Variants in NFIB observed in about 807,000 individuals in gnomAD.
NFIB encodes nuclear factor 1 B-type.
Under a neutral mutation model 61.5 loss-of-function variants are expected in NFIB, and 11 were observed. The observed-to-expected ratio is 0.18, with a 90% CI of 0.11 to 0.30. The LOEUF (loss-of-function observed/expected upper bound fraction) is 0.30, where lower values mean the gene tolerates loss of function less well. NFIB is among the 10% of genes least tolerant of loss of function. The pLI, the probability that NFIB is intolerant of heterozygous loss-of-function variation, is 1.00. For synonymous variants in NFIB, 260 were observed against 216.5 expected, an observed-to-expected ratio of 1.20 and a Z score of -1.76; for missense variants, 471 against 608.9, an observed-to-expected ratio of 0.77 and a Z score of 2.38.
At position 14,086,763 on chromosome 9, in the gene NFIB, C is replaced by T. The variant is rs901858703; in HGVS notation, c.*1546G>A. On this transcript the variant is annotated 3_prime_UTR_variant, in exon 11 of 11. Transcript: ENST00000380953. ...CAGCAAAACAAGTGTAGTGATGTCACTTTGTTGTATTTTTTTGTTTTTTTT... is the reference window on the plus strand; with the variant it reads ...CAGCAAAACAAGTGTAGTGATGTCATTTTGTTGTATTTTTTTGTTTTTTTT... 4.0e-5 allele frequency: 8 copies of T among 202,354 alleles called. No homozygotes were observed. The highest frequency in any genetic ancestry group is 6.0e-5 in the Non-Finnish European group (6 of 99,842). 12.5% of individuals were successfully genotyped at this position (202,354 alleles called of 1,614,324 possible).
intron 6 of NFIB, among the ~76,000 whole-genome samples, chr9:14,138,164 TG>T (rs1303321540): frequency 6.6e-6 from 1 of 152,076 alleles, no homozygotes; most frequent in Non-Finnish European, 1.5e-5. Context: ...AGCTGTAAAA[TG>T]GGGTTTCTGT....
chr9:14,398,451 T>G, intron 1 of NFIB: 1 of 1,132,616 alleles, frequency 8.8e-7, no homozygotes, highest in Non-Finnish European at 1.3e-6. Flanking sequence ...AACCCCACAC[T>G]GAGACACATT....
the NFIB span, among the ~76,000 whole-genome samples, chr9:14,471,298 A>G: frequency 2.0e-5 from 3 of 152,206 alleles, no homozygotes; most frequent in Non-Finnish European, 4.4e-5. Context: ...AATGGCTTCT[A>G]AATGGATTTG....
At chr9:14,339,797 G>A (rs1017800638) in intron 1 of NFIB, among the ~76,000 whole-genome samples, 10 of 152,166 alleles carry the variant, frequency 6.6e-5, no homozygotes, top group African/African-American at 2.4e-4. Flanking sequence ...AGAGAATTAA[G>A]GGAGCCCAGG....
chr9:14,306,112 G>A, intron 2 of NFIB: 1 of 454,524 alleles, frequency 2.2e-6, no homozygotes, highest in Admixed American at 4.4e-5. Flanking sequence ...TAATTATTTA[G>A]GTAAAATGTA....
At chr9:14,486,942 T>C in the NFIB span, among the ~76,000 whole-genome samples, 2 of 152,258 alleles carry the variant, frequency 1.3e-5, no homozygotes, top group African/African-American at 4.8e-5. Context: ...TGAAGGCAGA[T>C]ATCCCAATCT....
intron 2 of NFIB, among the ~76,000 whole-genome samples, chr9:14,294,588 C>CA (rs545797925): frequency 6.6e-6 from 1 of 152,098 alleles, no homozygotes; most frequent in Non-Finnish European, 1.5e-5. Flanking sequence ...AGTGTGTTAT[C>CA]AAAAAGAAAA....
intron 2 of NFIB, among the ~76,000 whole-genome samples, chr9:14,287,060 G>A (rs1004817207): frequency 2.3e-4 from 35 of 152,142 alleles, no homozygotes; most frequent in African/African-American, 7.7e-4. Context: ...CAGAGGAACT[G>A]AGAATTTCAC....
At chr9:14,115,203 G>A (rs1759721672) in intron 9 of NFIB, among the ~76,000 whole-genome samples, 1 of 152,072 alleles carries the variant, frequency 6.6e-6, no homozygotes, top group Admixed American at 6.5e-5. Flanking sequence ...CTTTCCAATG[G>A]CTGAGAAAGA....
At chr9:14,471,453 G>C in the NFIB span, among the ~76,000 whole-genome samples, 1 of 152,194 alleles carries the variant, frequency 6.6e-6, no homozygotes, top group Non-Finnish European at 1.5e-5. Flanking sequence ...GCCAAATATT[G>C]ATTTTATAGG....
chr9:14,457,100 T>G, the NFIB span, among the ~76,000 whole-genome samples: 3 of 152,308 alleles, frequency 2.0e-5, no homozygotes, highest in East Asian at 5.8e-4. Flanking sequence ...GTGTACTGTA[T>G]GCTGCCATTG....
chr9:14,169,579 A>G (rs2045330156), intron 3 of NFIB, among the ~76,000 whole-genome samples: 1 of 152,114 alleles, frequency 6.6e-6, no homozygotes, highest in South Asian at 2.1e-4. Flanking sequence ...CCAGCACTTG[A>G]GGAGGCCAGG....
chr9:14,362,622 C>T (rs1332186021), intron 1 of NFIB: 2 of 151,990 alleles, frequency 1.3e-5, no homozygotes, highest in African/African-American at 2.4e-5. Context: ...GAGGCCAGGT[C>T]CCGTGGCTCA....
intron 2 of NFIB, among the ~76,000 whole-genome samples, chr9:14,305,330 T>C (rs62532786): frequency 0.018 from 2,671 of 152,318 alleles, 41 homozygotes; most frequent in South Asian, 0.027. Context: ...AAAAGTTACA[T>C]GACCCACTTT....
At chr9:14,409,872 T>A in the NFIB span, among the ~76,000 whole-genome samples, 3 of 152,180 alleles carry the variant, frequency 2.0e-5, no homozygotes, top group Admixed American at 2.0e-4. Flanking sequence ...AGAAAAGAAC[T>A]AATTAGGGAT....
the NFIB span, among the ~76,000 whole-genome samples, chr9:14,421,816 T>C: frequency 6.6e-6 from 1 of 152,230 alleles, no homozygotes; most frequent in Non-Finnish European, 1.5e-5. Context: ...AATTCTTCTA[T>C]ATTTTCATGA....
chr9:14,489,009 A>C, the NFIB span, among the ~76,000 whole-genome samples: 1 of 152,156 alleles, frequency 6.6e-6, no homozygotes, highest in South Asian at 2.1e-4. Flanking sequence ...AATTGTGGTA[A>C]GGCATAAACA....
At chr9:14,324,406 T>A (rs538337450) in intron 1 of NFIB, among the ~76,000 whole-genome samples, 1 of 152,292 alleles carries the variant, frequency 6.6e-6, no homozygotes, top group Admixed American at 6.5e-5. Flanking sequence ...TAAGTAACAC[T>A]TGCATGGGCA....
chr9:14,141,902 C>CAAAAAAAAAAAAAAAAA (rs1207435536), intron 6 of NFIB, among the ~76,000 whole-genome samples: 5 of 53,586 alleles, frequency 9.3e-5, no homozygotes, highest in African/African-American at 3.6e-4. Context: ...CTGCTGCTCA[C>CAAAAAAAAAAAAAAAAA]AAAAAAAAAA....
Sources: allele counts gnomAD v4.1 joint callset (sites outside exome capture counted in the v4.1 genomes callset), GRCh38; gene constraint gnomAD v4.1.1; transcripts MANE v1.5; gene names NCBI Gene and HGNC (gene_info 2026-07-23, HGNC 2026-07-21).